Variants in CREM observed in about 807,000 individuals in gnomAD.
The protein encoded by CREM is cAMP responsive element modulator.
Under a neutral mutation model 37.3 loss-of-function variants are expected in CREM, and 13 were observed. That is an observed-to-expected ratio of 0.35 (90% CI 0.23 to 0.55). CREM has a LOEUF of 0.55. Ranked by LOEUF, CREM falls within the 20% of genes least tolerant of loss-of-function variation. The pLI is 0.88. For missense variants in CREM, 296 were observed against 362.3 expected (o/e 0.82, Z 1.49); for synonymous variants, 124 against 120.2 (o/e 1.03, Z -0.21).
chr10:35,159,547 C>G (rs2093159573), intron 3 of CREM, among the ~76,000 whole-genome samples: 1 of 152,118 alleles, frequency 6.6e-6, no homozygotes, highest in South Asian at 2.1e-4. Flanking sequence ...AAATTAGGCC[C>G]TTGTCTCTCA....
At chr10:35,210,665 C>T (rs753586996) in intron 7 of CREM, 5 of 152,090 alleles carry the variant, frequency 3.3e-5, no homozygotes, top group South Asian at 2.1e-4. Context: ...CATTTCATTT[C>T]GGTTTATAAA....
chr10:35,193,971 C>T lies in CREM; in HGVS notation c.598+5583C>T, dbSNP rs190640534. On this transcript the variant is annotated intron_variant, in intron 6 of 7. Coordinates refer to ENST00000685392, the MANE Select transcript of CREM (RefSeq NM_183011.2). ...AAAAATTAGCCAGGCATGGTGGGCACCTGTAATCCCAGCTACTTGGGAAGC... is the reference window on the plus strand; with the variant it reads ...AAAAATTAGCCAGGCATGGTGGGCATCTGTAATCCCAGCTACTTGGGAAGC... Among the ~76,000 whole-genome samples the T allele has an allele frequency of 3.5e-4, 53 of 151,712 alleles. No individual in the cohort carries two copies. In the East Asian group the frequency reaches 9.9e-3, roughly 28 times the overall value.
chr10:35,153,438 A>G (rs1456613821), intron 3 of CREM, among the ~76,000 whole-genome samples: 1 of 152,170 alleles, frequency 6.6e-6, no homozygotes, highest in Non-Finnish European at 1.5e-5. Flanking sequence ...AAATGTCATT[A>G]TACCTAGTTA....
At position 35,148,449 on chromosome 10, in the gene CREM, G is replaced by A; in HGVS notation, c.126G>A (p.Val42=). The change falls in exon 3 of 8, where the codon GTG becomes GTA. Residue 42 remains valine, a synonymous_variant. Coordinates refer to ENST00000685392, the MANE Select transcript of CREM (RefSeq NM_183011.2). Reference sequence around the variant, plus strand: ...TGACAGAGAGCAAGTCTGCTCATGTGCAGACTCAGACTGGCCAAAATTCAA... The same window carrying A: ...TGACAGAGAGCAAGTCTGCTCATGTACAGACTCAGACTGGCCAAAATTCAA... ...ASLTESKSAH[V]QTQTGQNSIP... The A allele has an allele frequency of 6.2e-7, 1 of 1,613,622 alleles. No individual in the cohort carries two copies. The highest frequency in any genetic ancestry group is 2.2e-5 in the East Asian group (1 of 44,834).
intron 2 of CREM, among the ~76,000 whole-genome samples, chr10:35,139,890 G>C (rs1393503587): frequency 6.6e-6 from 1 of 152,116 alleles, no homozygotes; most frequent in Non-Finnish European, 1.5e-5. Flanking sequence ...GCTGAGTTTG[G>C]GGTCCTGCAT....
intron 5 of CREM, among the ~76,000 whole-genome samples, chr10:35,187,106 T>TAA (rs537924034): frequency 1.4e-5 from 1 of 72,020 alleles, no homozygotes; most frequent in African/African-American, 5.5e-5. Flanking sequence ...ATATGATATA[T>TAA]ATTATATAAA....
intron 5 of CREM, 104 bp downstream of exon 5, chr10:35,179,380 G>T (rs769653394): frequency 7.7e-7 from 1 of 1,304,360 alleles, no homozygotes; most frequent in Non-Finnish European, 1.1e-6. Context: ...ATTTTAAAAT[G>T]CATCATTAAT....
At chr10:35,148,926 G>T (rs182702889) in intron 3 of CREM, among the ~76,000 whole-genome samples, 1 of 152,264 alleles carries the variant, frequency 6.6e-6, no homozygotes, top group African/African-American at 2.4e-5. Flanking sequence ...GTATCAGTTA[G>T]TACCTGTTTC....
chr10:35,167,759 C>A (rs528766180), intron 3 of CREM: 2 of 1,613,882 alleles, frequency 1.2e-6, no homozygotes, highest in South Asian at 2.2e-5. Context: ...ATGTTTCAGG[C>A]GTCCTATAGA....
At chr10:35,127,797 T>A (rs1170606169) in intron 1 of CREM, among the ~76,000 whole-genome samples, 1 of 152,140 alleles carries the variant, frequency 6.6e-6, no homozygotes, top group Non-Finnish European at 1.5e-5. Flanking sequence ...TTTAGGGCCA[T>A]CTGGTAAGGT....
chr10:35,206,350 G>A (rs2095523496), intron 6 of CREM, among the ~76,000 whole-genome samples: 2 of 151,762 alleles, frequency 1.3e-5, no homozygotes, highest in African/African-American at 4.8e-5. Context: ...AAAAACATTA[G>A]TACTCAAAAC....
intron 3 of CREM, among the ~76,000 whole-genome samples, chr10:35,162,322 A>G (rs1043801565): frequency 2.6e-5 from 4 of 152,176 alleles, no homozygotes; most frequent in African/African-American, 7.2e-5. Context: ...AATTACAGTT[A>G]GGAGGAATGA....
chr10:35,155,245 T>C (rs2136179385), intron 3 of CREM, among the ~76,000 whole-genome samples: 1 of 152,280 alleles, frequency 6.6e-6, no homozygotes, highest in Non-Finnish European at 1.5e-5. Flanking sequence ...TTTCTTAGTT[T>C]TACTAATGGG....
intron 7 of CREM, 64 bp downstream of exon 7, chr10:35,207,115 G>C (rs774428935): frequency 6.5e-7 from 1 of 1,534,720 alleles, no homozygotes; most frequent in African/African-American, 1.4e-5. Flanking sequence ...AGTTTTCACC[G>C]GGCGCAGTGG....
At chr10:35,139,754 A>G (rs1467101682) in intron 2 of CREM, among the ~76,000 whole-genome samples, 2 of 152,220 alleles carry the variant, frequency 1.3e-5, no homozygotes, top group Non-Finnish European at 2.9e-5. Flanking sequence ...ACATCTCTTC[A>G]ATTTTAATGT....
intron 7 of CREM, chr10:35,210,841 A>G (rs1288409039): frequency 1.3e-5 from 2 of 154,314 alleles, no homozygotes; most frequent in East Asian, 1.9e-4. Context: ...TCTTATAATC[A>G]TTTTTGATCG....
At chr10:35,209,937 CA>C (rs1261152724) in intron 7 of CREM, among the ~76,000 whole-genome samples, 1 of 151,906 alleles carries the variant, frequency 6.6e-6, no homozygotes, top group Admixed American at 6.6e-5. Context: ...AGGGTGAGTC[CA>C]TTGTTCCTGG....
intron 1 of CREM, among the ~76,000 whole-genome samples, chr10:35,135,719 T>TG (rs1294331041): frequency 4.3e-5 from 1 of 23,442 alleles, no homozygotes; most frequent in African/African-American, 1.2e-4. Flanking sequence ...TACCTATTTC[T>TG]GGAAAAAAAA....
At position 35,208,301 on chromosome 10, in the gene CREM, TCA is replaced by T. The variant is rs1244218079; in HGVS notation, c.755+1252_755+1253del. On this transcript the variant is annotated intron_variant, in intron 7 of 7. Transcript: ENST00000685392. ...ACTTCCAGTCAGCTCTCATTTTCTC[TCA>T]CTTTTTCTTGCTCCATATCTCTGTC... Among the ~76,000 whole-genome samples the T allele has an allele frequency of 2.0e-5, 3 of 152,228 alleles. No individual in the cohort carries two copies. In the South Asian group the frequency reaches 6.2e-4, roughly 32 times the overall value.
Sources: gnomAD v4.1 joint callset for allele counts (sites outside exome capture counted in the v4.1 genomes callset) on GRCh38, gnomAD v4.1.1 for gene constraint, MANE v1.5 for transcripts, NCBI Gene and HGNC (gene_info 2026-07-23, HGNC 2026-07-21) for gene names.